Variants in NSDHL observed in about 807,000 individuals in gnomAD.
The protein encoded by NSDHL is NAD(P) dependent 3-beta-hydroxysteroid dehydrogenase NSDHL.
In NSDHL, 1 loss-of-function variant was observed where a neutral mutation model predicts 23.0. The ratio of observed to expected loss-of-function variants is 0.04; its 90% CI spans 0.02 to 0.21. The LOEUF (loss-of-function observed/expected upper bound fraction) is 0.21. Ranked by LOEUF, NSDHL falls within the 10% of genes least tolerant of loss-of-function variation. NSDHL has a pLI of 1.00. For missense variants in NSDHL, 237 were observed against 300.9 expected, an observed-to-expected ratio of 0.79 and a Z score of 1.57; for synonymous variants, 128 against 121.1, an observed-to-expected ratio of 1.06 and a Z score of -0.37.
Position 152,868,793 on chromosome X carries a change from A to G in NSDHL, c.799A>G (p.Ile267Val). ...CTTGTTCTCCCGCCAGGCATTTCAC[A>G]TCACCAATGATGAGCCCATCCCTTT... The part of the protein sequence containing the change: ...DSTLGGKAFH[I>V]TNDEPIPFWT... The change falls in exon 8 of 8, where the codon ATC becomes GTC. Residue 267 changes from isoleucine (I) to valine (V), a missense_variant. This residue lies in a region of NSDHL where 117 missense variants were observed against 99.5 expected (regional missense o/e 1.18). Coordinates refer to ENST00000370274, the MANE Select transcript of NSDHL (RefSeq NM_015922.3). The G allele has an allele frequency of 8.3e-7, 1 of 1,209,916 alleles. No homozygotes were observed. Among genetic ancestry groups the G allele is most frequent in the Non-Finnish European group, 1.1e-6 (1 of 894,389 alleles).
At chrX:152,854,496 G>T (rs1248293879) in intron 3 of NSDHL, among the ~76,000 whole-genome samples, 1 of 109,107 alleles carries the variant, frequency 9.2e-6, no homozygotes, top group African/African-American at 3.3e-5. Context: ...TGCAGCCTCC[G>T]CCTCCCAGGT....
chrX:152,837,524 A>G (rs1486561535), intron 1 of NSDHL, among the ~76,000 whole-genome samples: 1 of 112,069 alleles, frequency 8.9e-6, no homozygotes. Context: ...GAATTTTGTC[A>G]AAGGCCTTTT....
rs1029735061 is a variant in NSDHL, at chrX:152,867,576, G to A, written c.692G>A (p.Gly231Glu). ...NGKMKFVIGN[G>E]KNLVDFTFVE... ...CATCCCTTGTGCACCTGCAGAAATG[G>A]GAAGAACTTGGTGGACTTCACCTTT... The change falls in exon 7 of 8, where the codon GGG becomes GAG. Residue 231 changes from glycine to glutamate, a missense_variant. Physicochemically the swap from Gly to Glu is moderately conservative, Grantham distance 98 (BLOSUM62 -2). Coordinates refer to ENST00000370274, the MANE Select transcript of NSDHL (RefSeq NM_015922.3). 2 of 1,200,189 alleles carry A rather than the reference G, an allele frequency of 1.7e-6. No individual in the cohort carries two copies. The highest frequency in any genetic ancestry group is 1.8e-5 in the South Asian group (1 of 56,610).
intron 1 of NSDHL, among the ~76,000 whole-genome samples, chrX:152,836,962 G>A (rs980990946): frequency 6.3e-4 from 70 of 111,895 alleles, no homozygotes; most frequent in Non-Finnish European, 1.0e-3. Context: ...ATTTGTTTGT[G>A]TCCTCTTTTA....
In NSDHL at chrX:152,868,971, C is replaced by T; in HGVS notation, c.977C>T (p.Pro326Leu). 1 of 1,211,933 alleles carries T rather than the reference C, an allele frequency of 8.3e-7. No homozygotes were observed. Among genetic ancestry groups the T allele is most frequent in the Non-Finnish European group, 1.1e-6 (1 of 895,516 alleles). ...ATCCAGCTGCAGCCCACCTTCACAC[C>T]CATGCGGGTCGCACTGGCTGGCACA... ...PVIQLQPTFT[P>L]MRVALAGTFH... Residue 326 changes from proline (P) to leucine (L), a missense_variant, in exon 8 of 8, where the codon CCC becomes CTC. Physicochemically the swap from Pro to Leu is moderately conservative, Grantham distance 98. This residue lies in a region of NSDHL where 117 missense variants were observed against 99.5 expected (regional missense o/e 1.18). Coordinates refer to ENST00000370274, the MANE Select transcript of NSDHL (RefSeq NM_015922.3).
Position 152,838,593 on chromosome X carries a change from A to C in NSDHL, c.-44+7476A>C, listed in dbSNP as rs1295051966. The stretch of plus-strand genomic sequence containing the variant: ...TTCAGGAGCAGGTTTTTCAGTTTTC[A>C]TGTAGTTGTGCAGTTTTTAGTGAGT... On this transcript the variant is annotated intron_variant, in intron 1 of 7. Coordinates refer to ENST00000370274, the MANE Select transcript of NSDHL (RefSeq NM_015922.3). Among the ~76,000 whole-genome samples the C allele has an allele frequency of 3.6e-5, 4 of 111,876 alleles. No individual in the cohort carries two copies. In the East Asian group the frequency reaches 1.1e-3, roughly 31 times the overall value.
intron 4 of NSDHL, 63 bp downstream of exon 4, chrX:152,858,979 G>T: frequency 4.0e-6 from 4 of 1,008,558 alleles, no homozygotes; most frequent in South Asian, 4.0e-5. Flanking sequence ...AAGGGTGCAA[G>T]GCCGTAGTTC....
rs1933667878 is a variant in NSDHL, at chrX:152,869,218, CTG to C, written c.*105_*106del. ...TCCTTTGAATGAGTTTGCTCTGAGCCTGTGACTCCTTCTGCTAGGCAGAGAGC... is the reference window on the plus strand; with the variant it reads ...TCCTTTGAATGAGTTTGCTCTGAGCCTGACTCCTTCTGCTAGGCAGAGAGC... On this transcript the variant is annotated 3_prime_UTR_variant, in exon 8 of 8. Coordinates refer to ENST00000370274, the MANE Select transcript of NSDHL (RefSeq NM_015922.3). The C allele has an allele frequency of 1.4e-6, 1 of 698,581 alleles. No individual in the cohort carries two copies. The highest frequency in any genetic ancestry group is 2.6e-5 in the Admixed American group (1 of 38,635). 57.6% of individuals were successfully genotyped at this position (698,581 alleles called of 1,213,427 possible).
chrX:152,837,984 G>A (rs1312891449), intron 1 of NSDHL, among the ~76,000 whole-genome samples: 1 of 111,639 alleles, frequency 9.0e-6, no homozygotes, highest in African/African-American at 3.3e-5. Flanking sequence ...GCCTGTTATT[G>A]GTCTGTTCAG....
At chrX:152,832,811 C>T (rs1556843568) in intron 1 of NSDHL, among the ~76,000 whole-genome samples, 2 of 112,240 alleles carry the variant, frequency 1.8e-5, no homozygotes, top group South Asian at 7.4e-4. Context: ...TGATGGGATA[C>T]TTTTGCATCT....
intron 3 of NSDHL, 136 bp downstream of exon 3, chrX:152,850,559 G>T: frequency 1.6e-6 from 1 of 607,767 alleles, no homozygotes; most frequent in Non-Finnish European, 2.8e-6. Flanking sequence ...TTATAGGAAA[G>T]AACACCACAT....
intron 2 of NSDHL, among the ~76,000 whole-genome samples, chrX:152,848,488 A>G (rs782798180): frequency 8.0e-5 from 9 of 112,784 alleles, no homozygotes; most frequent in Non-Finnish European, 7.5e-5. Context: ...TTTCAATATC[A>G]TAAAATAATC....
rs1323527968 is a variant in NSDHL, at chrX:152,846,298, A to G, written c.-27A>G. On this transcript the variant is annotated 5_prime_UTR_variant, in exon 2 of 8. Coordinates refer to ENST00000370274, the MANE Select transcript of NSDHL (RefSeq NM_015922.3). The stretch of plus-strand genomic sequence containing the variant: ...GTCTTTAAGAAAAGAAAAGTTGATT[A>G]CAAACGGGACCATATTTTGCTTCGA... The G allele has an allele frequency of 9.1e-7, 1 of 1,092,984 alleles. No individual in the cohort carries two copies. Among genetic ancestry groups the G allele is most frequent in the African/African-American group, 1.8e-5 (1 of 55,245 alleles). 90.1% of individuals were successfully genotyped at this position (1,092,984 alleles called of 1,213,427 possible).
intron 1 of NSDHL, among the ~76,000 whole-genome samples, chrX:152,832,112 C>G (rs1218194907): frequency 3.6e-5 from 4 of 111,370 alleles, no homozygotes; most frequent in Non-Finnish European, 5.7e-5. Flanking sequence ...CCCCAGAACA[C>G]TGGCTTTGTG....
intron 5 of NSDHL, among the ~76,000 whole-genome samples, chrX:152,863,987 C>T (rs992374499): frequency 9.0e-6 from 1 of 110,678 alleles, no homozygotes; most frequent in Non-Finnish European, 1.9e-5. Flanking sequence ...TCTCGGCTCA[C>T]TGCAACCTCC....
intron 6 of NSDHL, among the ~76,000 whole-genome samples, chrX:152,866,581 G>A (rs1933610349): frequency 8.8e-6 from 1 of 113,231 alleles, no homozygotes; most frequent in African/African-American, 3.2e-5. Context: ...GGGAGCGTCT[G>A]TTCCAGGCCT....
chrX:152,842,308 G>A (rs1051591180), intron 1 of NSDHL, among the ~76,000 whole-genome samples: 6 of 110,909 alleles, frequency 5.4e-5, no homozygotes, highest in Non-Finnish European at 9.4e-5. Context: ...CCACAACGTC[G>A]CACCATTTTA....
chrX:152,840,785 C>G (rs1260216634), intron 1 of NSDHL, among the ~76,000 whole-genome samples: 8 of 112,818 alleles, frequency 7.1e-5, no homozygotes, highest in African/African-American at 2.6e-4. Context: ...GAGGAGCAGT[C>G]TGTCCTTTCT....
In NSDHL at chrX:152,869,047, A is replaced by T. The variant is rs781950883; in HGVS notation, c.1053A>T (p.Pro351=). 1.7e-5 allele frequency: 21 copies of T among 1,212,129 alleles called. No homozygotes were observed. The South Asian group carries it at 3.3e-4, about 19-fold the overall frequency. ...CCAAAAAGGCCATGGGCTACCAGCC[A>T]CTAGTGACCATGGATGATGCTATGG... The part of the protein sequence containing the change: ...ERAKKAMGYQ[P]LVTMDDAMER... The change falls in exon 8 of 8, where the codon CCA becomes CCT. Residue 351 remains proline, a synonymous_variant. Transcript: ENST00000370274.
Sources: gnomAD v4.1 joint callset for allele counts (sites outside exome capture counted in the v4.1 genomes callset) on GRCh38, gnomAD v4.1.1 for gene constraint, gnomAD v4.1.1 regional missense constraint, MANE v1.5 for transcripts, NCBI Gene and HGNC (gene_info 2026-07-23, HGNC 2026-07-21) for gene names.